MACROD2: variants seen among roughly 807,000 people sequenced by gnomAD.
The protein encoded by MACROD2 is mono-ADP ribosylhydrolase 2, also known as ADP-ribose glycohydrolase MACROD2.
Under a neutral mutation model 70.4 loss-of-function variants are expected in MACROD2, and 36 were observed. That is an observed-to-expected ratio of 0.51 (90% CI 0.39 to 0.68). The LOEUF (loss-of-function observed/expected upper bound fraction) is 0.68, where lower values mean the gene tolerates loss of function less well. Ranked by LOEUF, MACROD2 falls within the 30% of genes least tolerant of loss-of-function variation. MACROD2 has a pLI of 0.00. For missense variants in MACROD2, 496 were observed against 538.4 expected (o/e 0.92, Z 0.78); for synonymous variants, 172 against 178.8 (o/e 0.96, Z 0.30).
At chr20:14,791,598 G>A (rs906377203) in intron 5 of MACROD2, among the ~76,000 whole-genome samples, 4 of 152,006 alleles carry the variant, frequency 2.6e-5, no homozygotes, top group Non-Finnish European at 5.9e-5. Flanking sequence ...AAAATTTTGA[G>A]CATCCTGAAG....
intron 7 of MACROD2, among the ~76,000 whole-genome samples, chr20:15,462,901 GT>G (rs935969903): frequency 6.6e-6 from 1 of 151,810 alleles, no homozygotes; most frequent in Non-Finnish European, 1.5e-5. Flanking sequence ...CAGTAAAAGG[GT>G]TTTTTCCCCT....
At chr20:14,636,546 A>G (rs1251331927) in intron 4 of MACROD2, 2 of 152,166 alleles carry the variant, frequency 1.3e-5, no homozygotes, top group Admixed American at 6.5e-5. Context: ...TGATCCTGGA[A>G]AGCCAAATGG....
chr20:14,439,320 C>A (rs748858819), intron 3 of MACROD2, among the ~76,000 whole-genome samples: 17 of 151,968 alleles, frequency 1.1e-4, no homozygotes, highest in African/African-American at 4.1e-4. Flanking sequence ...AATTTTAAAT[C>A]GGGCAGTGTG....
At chr20:14,096,274 AATT>A (rs1358726705) in intron 3 of MACROD2, among the ~76,000 whole-genome samples, 1 of 152,048 alleles carries the variant, frequency 6.6e-6, no homozygotes, top group East Asian at 1.9e-4. Flanking sequence ...AGAGTTAGTA[AATT>A]ATTTGTTTTG....
chr20:15,429,172 G>C (rs1422518448), intron 6 of MACROD2, among the ~76,000 whole-genome samples: 6 of 152,130 alleles, frequency 3.9e-5, no homozygotes, highest in Non-Finnish European at 8.8e-5. Flanking sequence ...AACGCCTATT[G>C]ATAGTGTTGG....
At chr20:14,315,446 A>T (rs1037596703) in intron 3 of MACROD2, among the ~76,000 whole-genome samples, 1 of 152,226 alleles carries the variant, frequency 6.6e-6, no homozygotes, top group Non-Finnish European at 1.5e-5. Context: ...ATAAGTGTCC[A>T]CTAGGTTTCA....
At chr20:15,744,128 A>G (rs754299748) in intron 8 of MACROD2, among the ~76,000 whole-genome samples, 25 of 152,140 alleles carry the variant, frequency 1.6e-4, no homozygotes, top group Non-Finnish European at 2.9e-4. Context: ...TTTTAAAAAC[A>G]ATTATGTTTA....
chr20:15,544,085 T>C (rs2047994167), intron 8 of MACROD2, among the ~76,000 whole-genome samples: 1 of 151,898 alleles, frequency 6.6e-6, no homozygotes, highest in Admixed American at 6.6e-5. Context: ...GGATACAGAG[T>C]CGGGGAAGAA....
chr20:15,851,160 ATC>A (rs2064294084), intron 8 of MACROD2, among the ~76,000 whole-genome samples: 1 of 151,982 alleles, frequency 6.6e-6, no homozygotes, highest in Non-Finnish European at 1.5e-5. Context: ...TAGGAAGTTT[ATC>A]GGATTATGTT....
intron 5 of MACROD2, among the ~76,000 whole-genome samples, chr20:14,967,019 T>C (rs2074643704): frequency 6.6e-6 from 1 of 152,220 alleles, no homozygotes; most frequent in Non-Finnish European, 1.5e-5. Context: ...AGTGGATATG[T>C]ATTGATGGGT....
At chr20:14,962,430 A>G (rs2074591536) in intron 5 of MACROD2, among the ~76,000 whole-genome samples, 1 of 150,496 alleles carries the variant, frequency 6.6e-6, no homozygotes, top group Admixed American at 6.6e-5. Context: ...TCTCAAGTAC[A>G]CACACATATA....
chr20:14,078,323 T>C (rs2053942799), intron 2 of MACROD2, among the ~76,000 whole-genome samples: 1 of 152,230 alleles, frequency 6.6e-6, no homozygotes, highest in Non-Finnish European at 1.5e-5. Flanking sequence ...TATTGTTTCA[T>C]AGTTATCGAG....
intron 5 of MACROD2, among the ~76,000 whole-genome samples, chr20:15,070,695 A>G (rs1352969969): frequency 2.0e-5 from 3 of 152,108 alleles, no homozygotes; most frequent in African/African-American, 7.2e-5. Flanking sequence ...CATGATTACA[A>G]GCTTCCTGCA....
chr20:14,930,863 T>TAA lies in MACROD2; in HGVS notation c.418+245918_418+245919dup, dbSNP rs11448674. ...TTTTAATTATGGCAATTTTTTTAAG[T>TAA]AAAAAAAAAAAAAAACAAAAGCCAG... On this transcript the variant is annotated intron_variant, in intron 5 of 17. Transcript: ENST00000684519. 6.9e-3 allele frequency among the ~76,000 whole-genome samples: 826 copies of TAA among 120,286 alleles called. 7 individuals are homozygous for TAA. Among genetic ancestry groups the TAA allele is most frequent in the African/African-American group, 0.019 (573 of 30,504 alleles). 78.9% of individuals were successfully genotyped at this position (120,286 alleles called of 152,430 possible).
At chr20:16,049,550 A>G (rs771991450) in intron 17 of MACROD2, among the ~76,000 whole-genome samples, 2 of 152,226 alleles carry the variant, frequency 1.3e-5, no homozygotes, top group Non-Finnish European at 2.9e-5. Flanking sequence ...ACAGTTTTCA[A>G]CGAATACTTT....
chr20:14,319,133 T>C (rs1403378046), intron 3 of MACROD2, among the ~76,000 whole-genome samples: 1 of 152,208 alleles, frequency 6.6e-6, no homozygotes, highest in Non-Finnish European at 1.5e-5. Flanking sequence ...CATCACCTAA[T>C]CCCATCATCT....
intron 4 of MACROD2, among the ~76,000 whole-genome samples, chr20:14,533,473 G>A (rs1376403138): frequency 6.6e-6 from 1 of 152,144 alleles, no homozygotes. Flanking sequence ...TCTCAAAAAT[G>A]TTTAGGAAAA....
chr20:15,920,230 G>T (rs2065382345), intron 10 of MACROD2, among the ~76,000 whole-genome samples: 1 of 152,178 alleles, frequency 6.6e-6, no homozygotes, highest in Non-Finnish European at 1.5e-5. Flanking sequence ...GAAAGGAGAT[G>T]ACGGGGGTTA....
intron 8 of MACROD2, among the ~76,000 whole-genome samples, chr20:15,627,449 C>T (rs2049221410): frequency 6.6e-6 from 1 of 152,092 alleles, no homozygotes. Flanking sequence ...CAAGTTACTA[C>T]TCATATCAAT....
Sources: gnomAD v4.1 joint callset for allele counts (sites outside exome capture counted in the v4.1 genomes callset) on GRCh38, gnomAD v4.1.1 for gene constraint, MANE v1.5 for transcripts, NCBI Gene and HGNC (gene_info 2026-07-23, HGNC 2026-07-21) for gene names.